The following MTUS2 variants were observed in gnomAD, a reference collection of about 807,000 sequenced individuals.
MTUS2 encodes the protein microtubule-associated tumor suppressor candidate 2.
In MTUS2, 40 loss-of-function variants were observed where a neutral mutation model predicts 114.1. That is an observed-to-expected ratio of 0.35 (90% CI 0.27 to 0.46). The LOEUF is 0.46. Ranked by LOEUF, MTUS2 falls within the 20% of genes least tolerant of loss-of-function variation. The pLI is 1.00. For synonymous variants in MTUS2, 688 were observed against 672.0 expected (o/e 1.02, Z -0.37); for missense variants, 1,679 against 1,705.4 (o/e 0.98, Z 0.27).
At chr13:29,367,665 C>T (rs1030525985) in intron 8 of MTUS2, among the ~76,000 whole-genome samples, 3 of 152,132 alleles carry the variant, frequency 2.0e-5, no homozygotes, top group Non-Finnish European at 4.4e-5. Flanking sequence ...GGCTGTGAAC[C>T]TGACAACTAA....
intron 4 of MTUS2, among the ~76,000 whole-genome samples, chr13:29,088,076 A>AC (rs1889776159): frequency 1.7e-5 from 2 of 120,964 alleles, no homozygotes; most frequent in African/African-American, 5.5e-5. Context: ...AAAAAAAAAA[A>AC]AAAAAAGAAT....
chr13:29,392,393 C>T (rs914321401), intron 8 of MTUS2, among the ~76,000 whole-genome samples: 10 of 152,058 alleles, frequency 6.6e-5, no homozygotes, highest in South Asian at 2.1e-4. Flanking sequence ...AGTTGCAGCA[C>T]GTGCACTTTC....
intron 2 of MTUS2, among the ~76,000 whole-genome samples, chr13:28,923,238 T>C (rs984137114): frequency 1.3e-5 from 2 of 152,242 alleles, no homozygotes; most frequent in African/African-American, 4.8e-5. Flanking sequence ...AAAATCCTTG[T>C]CAGAGAATGC....
At chr13:29,317,272 A>G (rs1363238235) in intron 6 of MTUS2, among the ~76,000 whole-genome samples, 4 of 152,184 alleles carry the variant, frequency 2.6e-5, no homozygotes, top group African/African-American at 9.7e-5. Context: ...CCACCTTCCC[A>G]GTATTCAGAT....
intron 5 of MTUS2, among the ~76,000 whole-genome samples, chr13:29,167,865 AG>A: frequency 6.6e-6 from 1 of 152,314 alleles, no homozygotes; most frequent in Middle Eastern, 3.4e-3. Flanking sequence ...TTTCAGGTAA[AG>A]GATACGCAGA....
rs1183035064 is a variant in MTUS2 at position 29,013,801 on chromosome 13, C to T, written c.-242-10656C>T. Reference sequence around the variant, plus strand: ...ACACACACATACGTGCACAGGCACACGCATACCTACATTGCAGGAAGACGC... The same window carrying T: ...ACACACACATACGTGCACAGGCACATGCATACCTACATTGCAGGAAGACGC... On this transcript the variant is annotated intron_variant, in intron 2 of 15. Transcript: ENST00000612955. Among the ~76,000 whole-genome samples, 6 of 152,328 alleles carry T rather than the reference C, an allele frequency of 3.9e-5. No individual in the cohort carries two copies. In the South Asian group the frequency reaches 6.2e-4, roughly 16 times the overall value.
chr13:29,043,385 C>T (rs1488294164), intron 4 of MTUS2, among the ~76,000 whole-genome samples: 2 of 151,932 alleles, frequency 1.3e-5, no homozygotes, highest in African/African-American at 2.4e-5. Context: ...GTTCCATGTG[C>T]TGATGAATGT....
chr13:28,996,578 C>T (rs1343457091), intron 2 of MTUS2, among the ~76,000 whole-genome samples: 2 of 152,136 alleles, frequency 1.3e-5, no homozygotes, highest in African/African-American at 4.8e-5. Flanking sequence ...ATTTCAGAGC[C>T]TGTTATCGGT....
At chr13:28,978,618 C>T (rs926673126) in intron 2 of MTUS2, among the ~76,000 whole-genome samples, 5 of 152,168 alleles carry the variant, frequency 3.3e-5, no homozygotes, top group African/African-American at 1.2e-4. Flanking sequence ...TTGGAAATTA[C>T]TGTGATGTGA....
At chr13:29,036,621 A>C (rs1462776956) in intron 4 of MTUS2, among the ~76,000 whole-genome samples, 1 of 152,176 alleles carries the variant, frequency 6.6e-6, no homozygotes, top group Admixed American at 6.5e-5. Context: ...AAAGTGTCCC[A>C]CTATTATTGT....
At chr13:29,212,222 T>C (rs1364633475) in intron 5 of MTUS2, among the ~76,000 whole-genome samples, 1 of 152,210 alleles carries the variant, frequency 6.6e-6, no homozygotes, top group Non-Finnish European at 1.5e-5. Flanking sequence ...AAGTGTATTG[T>C]TTAGTTTGCA....
chr13:29,097,514 A>G (rs932137595), intron 4 of MTUS2, among the ~76,000 whole-genome samples: 2 of 152,246 alleles, frequency 1.3e-5, no homozygotes, highest in African/African-American at 4.8e-5. Flanking sequence ...ATTCTTGAAT[A>G]GTCCAAGAAC....
chr13:29,408,004 C>T (rs1221186372), intron 8 of MTUS2, among the ~76,000 whole-genome samples: 1 of 151,678 alleles, frequency 6.6e-6, no homozygotes, highest in Non-Finnish European at 1.5e-5. Flanking sequence ...TTTTTCATAT[C>T]CTTTGTTCTT....
intron 2 of MTUS2, among the ~76,000 whole-genome samples, chr13:28,988,577 T>C (rs1884689093): frequency 6.6e-6 from 1 of 152,150 alleles, no homozygotes; most frequent in Admixed American, 6.5e-5. Flanking sequence ...GGAAAAACAA[T>C]GAAATCTAAA....
Position 29,034,067 on chromosome 13 carries a change from C to G in MTUS2, c.2388C>G (p.Ala796=), listed in dbSNP as rs778878314. The part of the protein sequence containing the change: ...LIASQRSSAS[A]IHPPGPITTA... ...CAAGTCAGAGGTCTTCAGCGAGCGCCATCCACCCACCAGGACCCATAACAA... is the reference window on the plus strand; with the variant it reads ...CAAGTCAGAGGTCTTCAGCGAGCGCGATCCACCCACCAGGACCCATAACAA... Residue 796 remains alanine, a synonymous_variant, in exon 4 of 16, where the codon GCC becomes GCG. Transcript: ENST00000612955. 25 of 1,613,880 alleles carry G rather than the reference C, an allele frequency of 1.5e-5. No homozygotes were observed. Among genetic ancestry groups the G allele is most frequent in the Non-Finnish European group, 2.0e-5 (24 of 1,179,902 alleles).
chr13:29,340,551 GA>G (rs1239879760), intron 7 of MTUS2, among the ~76,000 whole-genome samples: 3 of 145,166 alleles, frequency 2.1e-5, no homozygotes, highest in African/African-American at 7.5e-5. Flanking sequence ...AGGCAATGTT[GA>G]TTTTTTGTGG....
chr13:28,971,799 C>T (rs1329581690), intron 2 of MTUS2, among the ~76,000 whole-genome samples: 1 of 152,042 alleles, frequency 6.6e-6, no homozygotes, highest in Non-Finnish European at 1.5e-5. Flanking sequence ...CAGCACTTAC[C>T]CAAGGTCAGA....
At chr13:29,138,954 T>G (rs1892101216) in intron 5 of MTUS2, among the ~76,000 whole-genome samples, 1 of 152,164 alleles carries the variant, frequency 6.6e-6, no homozygotes, top group African/African-American at 2.4e-5. Context: ...CCATCTGCTT[T>G]GGAAGCTGGT....
At chr13:29,003,570 A>T (rs1885474669) in intron 2 of MTUS2, among the ~76,000 whole-genome samples, 1 of 152,202 alleles carries the variant, frequency 6.6e-6, no homozygotes, top group African/African-American at 2.4e-5. Context: ...CTGGTCTCTA[A>T]TTCGACATAT....
Sources: gnomAD v4.1 joint callset for allele counts (sites outside exome capture counted in the v4.1 genomes callset) on GRCh38, gnomAD v4.1.1 for gene constraint, MANE v1.5 for transcripts, NCBI Gene and HGNC (gene_info 2026-07-23, HGNC 2026-07-21) for gene names.